The following CWC15 variants were observed in gnomAD, a reference collection of about 807,000 sequenced individuals.
CWC15 encodes CWC15 spliceosome associated protein.
Under a neutral mutation model 28.4 loss-of-function variants are expected in CWC15, and 12 were observed. That is an observed-to-expected ratio of 0.42 (90% CI 0.27 to 0.69). The LOEUF (loss-of-function observed/expected upper bound fraction) is 0.69. Among genes scored for constraint, CWC15 ranks in the 30% least tolerant of loss-of-function variants. The probability of loss-of-function intolerance (pLI) is 0.23; values close to 1 mark genes in which losing one functional copy is unlikely to be tolerated. For missense variants in CWC15, 192 were observed against 271.5 expected, an observed-to-expected ratio of 0.71 and a Z score of 2.06; for synonymous variants, 92 against 88.4, an observed-to-expected ratio of 1.04 and a Z score of -0.23.
chr11:94,966,224 TATACACAC>T (rs1299711830), intron 6 of CWC15, 63 bp downstream of exon 6: 53 of 734,186 alleles, frequency 7.2e-5, no homozygotes, highest in African/African-American at 2.6e-4. Context: ...CACATACACA[TATACACAC>T]ACACACACAC....
At chr11:94,965,951 G>A (rs1415559424) in intron 6 of CWC15, among the ~76,000 whole-genome samples, 1 of 152,102 alleles carries the variant, frequency 6.6e-6, no homozygotes, top group African/African-American at 2.4e-5. Context: ...AATGTGAGAG[G>A]CCATCTTGAG....
At chr11:94,971,611 G>A in intron 2 of CWC15, 124 bp from the exon 3 acceptor site, 1 of 609,726 alleles carries the variant, frequency 1.6e-6, no homozygotes, top group East Asian at 2.8e-5. Context: ...AAAAAGGGAA[G>A]TAGACAAGAT....
At chr11:94,965,425 T>TC (rs1857625871) in intron 6 of CWC15, among the ~76,000 whole-genome samples, 1 of 152,168 alleles carries the variant, frequency 6.6e-6, no homozygotes, top group Non-Finnish European at 1.5e-5. Flanking sequence ...TTTTCAGCCC[T>TC]CCTTTTTTAC....
In CWC15 at chr11:94,971,412, A is replaced by G; in HGVS notation, c.207T>C (p.Ala69=). Residue 69 remains alanine (A), a synonymous_variant, in exon 3 of 7, where the codon GCT becomes GCC. Coordinates refer to ENST00000279839, the MANE Select transcript of CWC15 (RefSeq NM_016403.4). Reference sequence around the variant, plus strand: ...GATCCCTATTTTTCTCTCTTGCAGCAGCTCTCTCTCTTTCTTCCAACTCTC... The same window carrying G: ...GATCCCTATTTTTCTCTCTTGCAGCGGCTCTCTCTCTTTCTTCCAACTCTC... ...FRRELEERER[A]AAREKNRDRP... is the part of the protein sequence containing the mutation. The G allele has an allele frequency of 6.2e-7, 1 of 1,613,088 alleles. No homozygotes were observed. The highest frequency in any genetic ancestry group is 2.2e-5 in the East Asian group (1 of 44,878).
In CWC15 at chr11:94,971,114, T is replaced by C. The variant is rs782243096; in HGVS notation, c.245-49A>G. 1.8e-5 allele frequency: 27 copies of C among 1,510,498 alleles called. 1 individual carries two copies. The Middle Eastern group carries it at 3.7e-3, about 210-fold the overall frequency. The allele number at this position is 1,510,498 out of a possible 1,614,324, so 93.6% of individuals were successfully genotyped here. A position where few individuals can be genotyped will look rare whatever the true frequency, so the allele number is the denominator to read the frequency against. On this transcript the variant is annotated intron_variant, in intron 3 of 6. Coordinates refer to ENST00000279839, the MANE Select transcript of CWC15 (RefSeq NM_016403.4). ...AACTTAGTAAAACAAATACTTCATT[T>C]CTTAAAATGTTTTAGGGACCTGTGA...
Position 94,966,316 on chromosome 11 carries a change from G to C in CWC15, c.539C>G (p.Ala180Gly). Reference protein sequence around the residue: ...LNLTGPSQPQANFKVKRRWDD... With the variant: ...LNLTGPSQPQGNFKVKRRWDD... ...GTACCTTCTTTTAACTTTGAAGTTG[G>C]CCTGAGGCTGGGATGGGCCAGTGAG... Residue 180 changes from alanine (A) to glycine (G), a missense_variant, in exon 6 of 7, where the codon GCC becomes GGC. Transcript: ENST00000279839. 6.4e-7 allele frequency: 1 copy of C among 1,553,860 alleles called. No individual in the cohort carries two copies. Among genetic ancestry groups the C allele is most frequent in the South Asian group, 1.2e-5 (1 of 84,308 alleles).
chr11:94,966,114 T>C (rs1028486379), intron 6 of CWC15, among the ~76,000 whole-genome samples, 181 bp downstream of exon 6: 6 of 152,110 alleles, frequency 3.9e-5, no homozygotes, highest in East Asian at 1.9e-4. Context: ...TTATTCCTAA[T>C]TGAACAGAGA....
chr11:94,971,226 T>C (rs1555096162), intron 3 of CWC15, 149 bp downstream of exon 3: 2 of 928,072 alleles, frequency 2.2e-6, no homozygotes, highest in South Asian at 1.5e-5. Context: ...AAATATTTGT[T>C]GTTATTATCT....
At chr11:94,967,506 T>C (rs587684635) in intron 5 of CWC15, among the ~76,000 whole-genome samples, 5 of 152,366 alleles carry the variant, frequency 3.3e-5, no homozygotes, top group African/African-American at 1.2e-4. Context: ...ACATGTTATC[T>C]TAAGCCAAAT....
intron 5 of CWC15, among the ~76,000 whole-genome samples, chr11:94,968,238 C>A (rs930976945): frequency 6.6e-6 from 1 of 152,136 alleles, no homozygotes; most frequent in African/African-American, 2.4e-5. Flanking sequence ...GCTCCATGAC[C>A]AGCCAGCCTA....
chr11:94,973,298 G>A (rs1218838215), intron 1 of CWC15, 200 bp downstream of exon 1: 18 of 24,652 alleles, frequency 7.3e-4, no homozygotes, highest in East Asian at 5.4e-3. Context: ...CGCAGTAGGC[G>A]AGCTGCCTGT....
intron 4 of CWC15, 71 bp downstream of exon 4, chr11:94,970,906 A>T: frequency 8.0e-7 from 1 of 1,244,970 alleles, no homozygotes; most frequent in Non-Finnish European, 1.2e-6. Flanking sequence ...CTTAAAGCAA[A>T]GACATAACAA....
At chr11:94,973,376 AGCCCGCT>A (rs1399988539) in intron 1 of CWC15, 115 bp downstream of exon 1, 10 of 152,994 alleles carry the variant, frequency 6.5e-5, no homozygotes, top group African/African-American at 2.2e-4. Context: ...TTCCGCCCCT[AGCCCGCT>A]GCTCCAGGGC....
At chr11:94,970,930 G>A (rs4753646) in intron 4 of CWC15, 47 bp downstream of exon 4, 1,433,104 of 1,436,058 alleles carry the variant, frequency 1, 715,122 homozygotes, top group East Asian at 1. Context: ...TTTTAGAATA[G>A]CATGGTAAAT....
intron 1 of CWC15, among the ~76,000 whole-genome samples, chr11:94,972,989 C>T (rs1004405749): frequency 2.8e-5 from 4 of 140,792 alleles, no homozygotes; most frequent in African/African-American, 1.0e-4. Flanking sequence ...TCACTAAAAC[C>T]CTGTTAGTGT....
chr11:94,964,230 T>C (rs1231968290), intron 6 of CWC15, among the ~76,000 whole-genome samples: 4 of 150,962 alleles, frequency 2.6e-5, no homozygotes, highest in Non-Finnish European at 5.9e-5. Flanking sequence ...CCCATATACA[T>C]AATATTGATA....
chr11:94,973,061 T>C (rs1471744810), intron 1 of CWC15, among the ~76,000 whole-genome samples: 1 of 128,978 alleles, frequency 7.8e-6, no homozygotes, highest in African/African-American at 2.9e-5. Flanking sequence ...GGGGGGGCGA[T>C]GCTAATTCTC....
At chr11:94,970,918 T>A in intron 4 of CWC15, 59 bp downstream of exon 4, 4 of 1,332,732 alleles carry the variant, frequency 3.0e-6, no homozygotes, top group Middle Eastern at 1.8e-4. Context: ...ACATAACAAG[T>A]ATTTTAGAAT....
intron 1 of CWC15, among the ~76,000 whole-genome samples, chr11:94,973,060 A>AGG (rs1857750491): frequency 7.0e-6 from 1 of 142,330 alleles, no homozygotes; most frequent in Admixed American, 7.1e-5. Context: ...GGGGGGGGCG[A>AGG]TGCTAATTCT....
Sources: gnomAD v4.1 joint callset for allele counts (sites outside exome capture counted in the v4.1 genomes callset) on GRCh38, gnomAD v4.1.1 for gene constraint, MANE v1.5 for transcripts, NCBI Gene and HGNC (gene_info 2026-07-23, HGNC 2026-07-21) for gene names.